Variants in VAC14 observed in about 807,000 individuals in gnomAD.
VAC14 encodes VAC14 component of PIKFYVE complex.
Under a neutral mutation model 85.3 loss-of-function variants are expected in VAC14, and 47 were observed. That is an observed-to-expected ratio of 0.55 (90% CI 0.44 to 0.70). VAC14 has a LOEUF of 0.70. Among genes scored for constraint, VAC14 ranks in the 30% least tolerant of loss-of-function variants. The pLI is 0.00. For synonymous variants in VAC14, 447 were observed against 430.5 expected, an observed-to-expected ratio of 1.04 and a Z score of -0.47; for missense variants, 861 against 1,004.3, an observed-to-expected ratio of 0.86 and a Z score of 1.93.
At chr16:70,726,608 G>A (rs1403455921) in intron 14 of VAC14, among the ~76,000 whole-genome samples, 2 of 152,218 alleles carry the variant, frequency 1.3e-5, no homozygotes, top group African/African-American at 4.8e-5. Flanking sequence ...AGTTAAAAAT[G>A]GGAGGAATTG....
intron 14 of VAC14, among the ~76,000 whole-genome samples, chr16:70,724,618 G>A (rs748030677): frequency 6.6e-6 from 1 of 152,168 alleles, no homozygotes; most frequent in Non-Finnish European, 1.5e-5. Flanking sequence ...ATGAGAAGCC[G>A]GGAGCCGGTT....
intron 14 of VAC14, among the ~76,000 whole-genome samples, chr16:70,703,036 T>A (rs2053859004): frequency 6.6e-6 from 1 of 152,166 alleles, no homozygotes. Flanking sequence ...AGAACCTGAG[T>A]TCTTCCTCAC....
At chr16:70,729,438 C>T (rs2054524102) in intron 14 of VAC14, among the ~76,000 whole-genome samples, 1 of 152,156 alleles carries the variant, frequency 6.6e-6, no homozygotes, top group South Asian at 2.1e-4. Flanking sequence ...ATTCTGCGGC[C>T]CCATCCCCAG....
intron 3 of VAC14, 65 bp from the exon 4 acceptor site, chr16:70,784,903 G>T: frequency 6.9e-7 from 1 of 1,454,610 alleles, no homozygotes. Context: ...CAAGACCAGG[G>T]ATTTCCTGCA....
At chr16:70,776,871 G>A (rs1368744813) in intron 9 of VAC14, among the ~76,000 whole-genome samples, 1 of 145,828 alleles carries the variant, frequency 6.9e-6, no homozygotes, top group Non-Finnish European at 1.5e-5. Flanking sequence ...GCAGTGGTGT[G>A]ATCTCGGCTC....
chr16:70,725,023 A>G (rs1203834592), intron 14 of VAC14, among the ~76,000 whole-genome samples: 1 of 152,268 alleles, frequency 6.6e-6, no homozygotes, highest in Non-Finnish European at 1.5e-5. Flanking sequence ...CAATCCATTA[A>G]AAGGGTGAGA....
At chr16:70,737,484 G>A (rs1482961474) in intron 13 of VAC14, among the ~76,000 whole-genome samples, 1 of 152,190 alleles carries the variant, frequency 6.6e-6, no homozygotes, top group Non-Finnish European at 1.5e-5. Context: ...CCTGCAGAGG[G>A]CAGGAGCATG....
chr16:70,691,109 C>T lies in VAC14; in HGVS notation c.2186+1712G>A, dbSNP rs1023346728. The T allele has an allele frequency of 3.2e-5, 32 of 985,516 alleles. No homozygotes were observed. In the East Asian group the frequency reaches 4.5e-4, roughly 14 times the overall value. The allele number at this position is 985,516 out of a possible 1,614,324, so 61.0% of individuals were successfully genotyped here. On this transcript the variant is annotated intron_variant, in intron 18 of 18. Coordinates refer to ENST00000261776, the MANE Select transcript of VAC14 (RefSeq NM_018052.5). ...TTGGCTCAAGACTTCCCTGACTGAC[C>T]GTGGGAGATTCTGAGGAAAGCCTCA...
intron 14 of VAC14, among the ~76,000 whole-genome samples, chr16:70,708,785 C>T (rs55837830): frequency 0.32 from 48,772 of 152,084 alleles, 9,826 homozygotes; most frequent in Non-Finnish European, 0.44. Context: ...AGGGCAAGGC[C>T]GGGGTGAGGA....
At chr16:70,735,555 G>A (rs2054724294) in intron 13 of VAC14, among the ~76,000 whole-genome samples, 1 of 152,206 alleles carries the variant, frequency 6.6e-6, no homozygotes, top group African/African-American at 2.4e-5. Flanking sequence ...TCCTCTCATG[G>A]TCCTGCCGGG....
At chr16:70,735,975 A>G (rs1567551008) in intron 13 of VAC14, among the ~76,000 whole-genome samples, 1 of 152,246 alleles carries the variant, frequency 6.6e-6, no homozygotes, top group Non-Finnish European at 1.5e-5. Flanking sequence ...CTGTTGAGAC[A>G]GCCCTGCCTC....
At chr16:70,785,129 T>A (rs1296029778) in intron 3 of VAC14, among the ~76,000 whole-genome samples, 1 of 152,258 alleles carries the variant, frequency 6.6e-6, no homozygotes, top group Non-Finnish European at 1.5e-5. Flanking sequence ...TTGCTTCCCG[T>A]CAGCCTTCCC....
At chr16:70,794,140 C>T (rs1382260333) in intron 1 of VAC14, among the ~76,000 whole-genome samples, 1 of 152,158 alleles carries the variant, frequency 6.6e-6, no homozygotes, top group Non-Finnish European at 1.5e-5. Context: ...TATTGGGACA[C>T]AATTCACATA....
At chr16:70,781,782 G>A (rs1318654007) in intron 8 of VAC14, 87 bp downstream of exon 8, 3 of 1,532,540 alleles carry the variant, frequency 2.0e-6, no homozygotes, top group Non-Finnish European at 2.7e-6. Context: ...GATCCTAAGA[G>A]AGCCCCCAGC....
intron 12 of VAC14, 102 bp from the exon 13 acceptor site, chr16:70,744,681 G>A: frequency 7.1e-7 from 1 of 1,414,280 alleles, no homozygotes; most frequent in Non-Finnish European, 9.4e-7. Flanking sequence ...GCAGGGGTGG[G>A]AGGGGTCTGC....
chr16:70,703,498 G>A (rs1420391556), intron 14 of VAC14, among the ~76,000 whole-genome samples: 10 of 152,192 alleles, frequency 6.6e-5, no homozygotes, highest in Admixed American at 2.0e-4. Flanking sequence ...GGGGGGATGT[G>A]GCCAGAAGGC....
At chr16:70,689,353 G>A in intron 18 of VAC14, 1 of 985,492 alleles carries the variant, frequency 1.0e-6, no homozygotes, top group Non-Finnish European at 1.2e-6. Context: ...AGCAGCTTGA[G>A]GGTGGAAATA....
chr16:70,724,274 T>G (rs112463447), intron 14 of VAC14, among the ~76,000 whole-genome samples: 1 of 152,166 alleles, frequency 6.6e-6, no homozygotes, highest in African/African-American at 2.4e-5. Context: ...CCAGTGTGTA[T>G]GACACTGTGG....
chr16:70,720,129 C>G (rs1439735819), intron 14 of VAC14, among the ~76,000 whole-genome samples: 1 of 152,140 alleles, frequency 6.6e-6, no homozygotes, highest in African/African-American at 2.4e-5. Context: ...AAGCTCAAAA[C>G]CAGGCAAGAT....
Sources: allele counts gnomAD v4.1 joint callset (sites outside exome capture counted in the v4.1 genomes callset), GRCh38; gene constraint gnomAD v4.1.1; transcripts MANE v1.5; gene names NCBI Gene and HGNC (gene_info 2026-07-23, HGNC 2026-07-21).